Variants in FSTL4 observed in about 807,000 individuals in gnomAD.
FSTL4 encodes follistatin-related protein 4.
FSTL4 carries 28 observed loss-of-function variants against 78.2 expected under a neutral mutation model. The observed-to-expected ratio is 0.36, with a 90% CI of 0.27 to 0.49. The LOEUF (loss-of-function observed/expected upper bound fraction) is 0.49. Ranked by LOEUF, FSTL4 falls within the 20% of genes least tolerant of loss-of-function variation. FSTL4 has a pLI of 0.98. For synonymous variants in FSTL4, 422 were observed against 440.5 expected, an observed-to-expected ratio of 0.96 and a Z score of 0.53; for missense variants, 922 against 1,084.9, an observed-to-expected ratio of 0.85 and a Z score of 2.11.
At chr5:133,834,072 T>C in the FSTL4 span, among the ~76,000 whole-genome samples, 1 of 152,230 alleles carries the variant, frequency 6.6e-6, no homozygotes, top group African/African-American at 2.4e-5. Flanking sequence ...TATTCAGTCA[T>C]ATTCAGTCTT....
intron 4 of FSTL4, among the ~76,000 whole-genome samples, chr5:133,343,861 G>A (rs1754641265): frequency 6.6e-6 from 1 of 151,774 alleles, no homozygotes; most frequent in Non-Finnish European, 1.5e-5. Flanking sequence ...CAAAGCACAG[G>A]ATGGTCGAGG....
chr5:133,395,308 C>G (rs532255970), intron 4 of FSTL4, among the ~76,000 whole-genome samples: 1 of 152,130 alleles, frequency 6.6e-6, no homozygotes, highest in South Asian at 2.1e-4. Flanking sequence ...ACGAACCCAG[C>G]GGGAGGAATG....
intron 5 of FSTL4, among the ~76,000 whole-genome samples, chr5:133,315,318 G>A (rs200094491): frequency 1.6e-4 from 24 of 152,296 alleles, no homozygotes; most frequent in East Asian, 1.3e-3. Context: ...CATGCTGGAC[G>A]CAGCACTTGA....
intron 7 of FSTL4, among the ~76,000 whole-genome samples, chr5:133,234,512 C>G (rs1196492197): frequency 6.6e-6 from 1 of 152,226 alleles, no homozygotes; most frequent in Non-Finnish European, 1.5e-5. Flanking sequence ...GCTGGCCCTT[C>G]CAGGCACCAA....
At chr5:133,628,770 A>G in the FSTL4 span, among the ~76,000 whole-genome samples, 1 of 152,174 alleles carries the variant, frequency 6.6e-6, no homozygotes, top group Non-Finnish European at 1.5e-5. Flanking sequence ...AAAATGAATA[A>G]AGAAATGAAT....
chr5:133,773,558 A>T, the FSTL4 span, among the ~76,000 whole-genome samples: 1 of 152,168 alleles, frequency 6.6e-6, no homozygotes, highest in Non-Finnish European at 1.5e-5. Flanking sequence ...AGACTACAAC[A>T]ACGTGATAGA....
At chr5:133,485,379 A>C (rs1758111312) in intron 3 of FSTL4, among the ~76,000 whole-genome samples, 1 of 152,208 alleles carries the variant, frequency 6.6e-6, no homozygotes, top group Non-Finnish European at 1.5e-5. Flanking sequence ...GCAGCTTCCC[A>C]TGCAGGCAGA....
the FSTL4 span, among the ~76,000 whole-genome samples, chr5:133,638,182 C>T: frequency 2.0e-5 from 3 of 151,578 alleles, no homozygotes; most frequent in Admixed American, 6.6e-5. Flanking sequence ...CCCAATATAG[C>T]CTAAATCTGA....
chr5:133,354,647 G>A (rs568815837), intron 4 of FSTL4, among the ~76,000 whole-genome samples: 4 of 152,320 alleles, frequency 2.6e-5, no homozygotes, highest in South Asian at 4.1e-4. Flanking sequence ...GGCAAAGGGC[G>A]GGGCACTGGG....
At chr5:133,604,064 T>C (rs904290073) in intron 1 of FSTL4, 71 bp from the exon 2 acceptor site, 28 of 1,114,098 alleles carry the variant, frequency 2.5e-5, no homozygotes, top group Middle Eastern at 2.4e-4. Context: ...AGTGAGTTAG[T>C]ATGTGTTCCC....
intron 3 of FSTL4, among the ~76,000 whole-genome samples, chr5:133,492,607 T>G (rs1482284715): frequency 6.6e-6 from 1 of 152,220 alleles, no homozygotes; most frequent in Non-Finnish European, 1.5e-5. Flanking sequence ...TCTTTTTTTC[T>G]TCTTTGGTCA....
chr5:133,221,913 T>TTGTTTTTG (rs1751138175), intron 11 of FSTL4, among the ~76,000 whole-genome samples: 7 of 97,840 alleles, frequency 7.2e-5, no homozygotes, highest in East Asian at 3.2e-4. Context: ...TTTTTTTTTT[T>TTGTTTTTG]TTTTTTTTTT....
intron 3 of FSTL4, among the ~76,000 whole-genome samples, chr5:133,407,089 C>A (rs561176318): frequency 6.6e-6 from 1 of 152,322 alleles, no homozygotes; most frequent in South Asian, 2.1e-4. Flanking sequence ...GCAACCCTGG[C>A]CTGCAGGATG....
chr5:133,344,968 CTT>C (rs751778816), intron 4 of FSTL4, among the ~76,000 whole-genome samples: 7 of 134,224 alleles, frequency 5.2e-5, no homozygotes, highest in African/African-American at 5.7e-5. Flanking sequence ...CATGCCCCCA[CTT>C]TTTTTTTTTT....
At chr5:133,358,559 C>T (rs1007721451) in intron 4 of FSTL4, among the ~76,000 whole-genome samples, 1 of 150,800 alleles carries the variant, frequency 6.6e-6, no homozygotes, top group Non-Finnish European at 1.5e-5. Flanking sequence ...TTCGCTTGCA[C>T]GATGGGGCCC....
chr5:133,816,581 C>T, the FSTL4 span, among the ~76,000 whole-genome samples: 1 of 152,170 alleles, frequency 6.6e-6, no homozygotes, highest in Non-Finnish European at 1.5e-5. Flanking sequence ...GTGAGGCCAA[C>T]ACCACCAATC....
intron 3 of FSTL4, among the ~76,000 whole-genome samples, chr5:133,456,494 A>G (rs1409214811): frequency 2.0e-5 from 3 of 152,120 alleles, no homozygotes; most frequent in Non-Finnish European, 4.4e-5. Context: ...AGGGAGGGGG[A>G]AAACCAGCTG....
At chr5:133,743,204 C>T in the FSTL4 span, among the ~76,000 whole-genome samples, 1 of 152,082 alleles carries the variant, frequency 6.6e-6, no homozygotes, top group African/African-American at 2.4e-5. Flanking sequence ...GCTCTCATTT[C>T]GTAAGTGAGG....
At chr5:133,481,143 T>C (rs569491422) in intron 3 of FSTL4, among the ~76,000 whole-genome samples, 3 of 152,224 alleles carry the variant, frequency 2.0e-5, no homozygotes, top group Non-Finnish European at 4.4e-5. Context: ...TACATGTGAC[T>C]CCATGAGCAG....
Sources: gnomAD v4.1 joint callset for allele counts (sites outside exome capture counted in the v4.1 genomes callset) on GRCh38, gnomAD v4.1.1 for gene constraint, MANE v1.5 for transcripts, NCBI Gene and HGNC (gene_info 2026-07-23, HGNC 2026-07-21) for gene names.